The following GPC6 variants were observed in gnomAD, a reference collection of about 807,000 sequenced individuals.
GPC6 encodes the protein glypican-6.
Under a neutral mutation model 55.2 loss-of-function variants are expected in GPC6, and 14 were observed. The ratio of observed to expected loss-of-function variants is 0.25; its 90% CI spans 0.17 to 0.40. GPC6 has a LOEUF of 0.40. Among genes scored for constraint, GPC6 ranks in the 10% least tolerant of loss-of-function variants. GPC6 has a pLI of 1.00. For synonymous variants in GPC6, 278 were observed against 259.6 expected (o/e 1.07, Z -0.68); for missense variants, 641 against 708.5 (o/e 0.90, Z 1.08).
intron 2 of GPC6, among the ~76,000 whole-genome samples, chr13:93,798,290 T>C (rs1886264054): frequency 6.6e-6 from 1 of 152,208 alleles, no homozygotes; most frequent in South Asian, 2.1e-4. Context: ...GCATAGGTCT[T>C]CTGTGAACCA....
chr13:93,545,184 A>C lies in GPC6; in HGVS notation c.161-79A>C, dbSNP rs1369736299. On this transcript the variant is annotated intron_variant, in intron 1 of 8. Coordinates refer to ENST00000377047, the MANE Select transcript of GPC6 (RefSeq NM_005708.5). ...GAACAAGCACCCTGAGATTTGAGCA[A>C]AGTGTTAGAGAAGTGAAATCTCTAA... 3 of 1,243,228 alleles carry C rather than the reference A, an allele frequency of 2.4e-6. No individual in the cohort carries two copies. In the East Asian group the frequency reaches 7.0e-5, roughly 29 times the overall value. The allele number at this position is 1,243,228 out of a possible 1,614,324, so 77.0% of individuals were successfully genotyped here.
At chr13:94,259,893 C>T (rs536157680) in intron 4 of GPC6, among the ~76,000 whole-genome samples, 1 of 152,016 alleles carries the variant, frequency 6.6e-6, no homozygotes, top group Non-Finnish European at 1.5e-5. Context: ...CACACATGCA[C>T]ACACACACAT....
chr13:93,688,779 C>G (rs1465449484), intron 2 of GPC6, among the ~76,000 whole-genome samples: 1 of 151,886 alleles, frequency 6.6e-6, no homozygotes, highest in East Asian at 1.9e-4. Flanking sequence ...AGGGCAGAAT[C>G]AAGAATTAAT....
chr13:93,276,712 G>A (rs2139061691), intron 1 of GPC6, among the ~76,000 whole-genome samples: 1 of 152,210 alleles, frequency 6.6e-6, no homozygotes, highest in African/African-American at 2.4e-5. Flanking sequence ...GTGGCTTGCT[G>A]CTGGCTTTTA....
chr13:93,629,014 T>A (rs1212648541), intron 2 of GPC6, among the ~76,000 whole-genome samples: 1 of 147,562 alleles, frequency 6.8e-6, no homozygotes, highest in East Asian at 2.0e-4. Flanking sequence ...TAACATGAGA[T>A]GTAAAACTGT....
At chr13:93,431,612 AAC>A (rs1877361352) in intron 1 of GPC6, among the ~76,000 whole-genome samples, 1 of 152,100 alleles carries the variant, frequency 6.6e-6, no homozygotes, top group Non-Finnish European at 1.5e-5. Flanking sequence ...TTACATTCAA[AAC>A]ACACACATCC....
At chr13:93,471,192 G>A (rs1380639476) in intron 1 of GPC6, among the ~76,000 whole-genome samples, 1 of 151,766 alleles carries the variant, frequency 6.6e-6, no homozygotes. Context: ...AGTTAAGATG[G>A]AAATTTTGAG....
intron 6 of GPC6, among the ~76,000 whole-genome samples, chr13:94,358,880 T>C (rs72632659): frequency 0.026 from 3,996 of 152,334 alleles, 217 homozygotes; most frequent in East Asian, 0.24. Context: ...CTAATGGCTT[T>C]GTTTTCAGAA....
rs185818217 is a variant in GPC6, at chr13:93,275,047, T to C, written c.160+47431T>C. On this transcript the variant is annotated intron_variant, in intron 1 of 8. Transcript: ENST00000377047. Reference sequence around the variant, plus strand: ...TGAGTGCATATTCCAGCCTACTGAATTTAAGTACCTGGGCAAAATATTGAG... The same window carrying C: ...TGAGTGCATATTCCAGCCTACTGAACTTAAGTACCTGGGCAAAATATTGAG... Among the ~76,000 whole-genome samples, 35 of 152,304 alleles carry C rather than the reference T, an allele frequency of 2.3e-4. No homozygotes were observed. The East Asian group carries it at 5.6e-3, about 24-fold the overall frequency.
chr13:94,310,274 G>C (rs1876176772), intron 6 of GPC6, among the ~76,000 whole-genome samples: 1 of 152,006 alleles, frequency 6.6e-6, no homozygotes, highest in South Asian at 2.1e-4. Flanking sequence ...TTTTATAAAA[G>C]TAAATTTAAA....
chr13:94,105,954 T>A (rs1288237598), intron 4 of GPC6, among the ~76,000 whole-genome samples: 2 of 146,320 alleles, frequency 1.4e-5, no homozygotes, highest in East Asian at 4.2e-4. Context: ...TATCCTACAT[T>A]GGAAAGGGTA....
intron 4 of GPC6, among the ~76,000 whole-genome samples, chr13:94,133,062 G>A (rs1486906525): frequency 6.6e-6 from 1 of 151,962 alleles, no homozygotes; most frequent in East Asian, 1.9e-4. Flanking sequence ...TTATTCCTAT[G>A]GAATGTTGAT....
In GPC6 at chr13:94,404,528, A is replaced by C. The variant is rs1210940212; in HGVS notation, c.*1311A>C. On this transcript the variant is annotated 3_prime_UTR_variant, in exon 9 of 9. Transcript: ENST00000377047. ...TCCTCAGTGATCGGTGAGCACCAAG[A>C]ATCAAGAAAGAGAACTTTTTATGTA... is the stretch of plus-strand genomic sequence containing the variant. The C allele has an allele frequency of 6.6e-6, 1 of 152,240 alleles. No homozygotes were observed. Among genetic ancestry groups the C allele is most frequent in the Non-Finnish European group, 1.5e-5 (1 of 68,042 alleles). The allele number at this position is 152,240 out of a possible 1,614,324, so 9.4% of individuals were successfully genotyped here. A position where few individuals can be genotyped will look rare whatever the true frequency, so the allele number is the denominator to read the frequency against.
intron 3 of GPC6, among the ~76,000 whole-genome samples, chr13:93,950,511 T>G (rs1879206577): frequency 6.6e-6 from 1 of 152,184 alleles, no homozygotes; most frequent in South Asian, 2.1e-4. Flanking sequence ...CGTATAGACC[T>G]CAAAATTACT....
intron 4 of GPC6, among the ~76,000 whole-genome samples, chr13:94,073,296 T>C (rs1344435668): frequency 6.6e-6 from 1 of 152,238 alleles, no homozygotes; most frequent in Non-Finnish European, 1.5e-5. Context: ...TCATGAAATG[T>C]GCAAGCTTCT....
At position 94,234,251 on chromosome 13, in the gene GPC6, G is replaced by A. The variant is rs551047453; in HGVS notation, c.878-52098G>A. On this transcript the variant is annotated intron_variant, in intron 4 of 8. Transcript: ENST00000377047. ...TTCCATTTATCCTTCTGAAGTTTCT[G>A]TGAGAAAAGGGTAAGGATGTACTGT... is the stretch of plus-strand genomic sequence containing the variant. Among the ~76,000 whole-genome samples the A allele has an allele frequency of 3.9e-5, 6 of 152,268 alleles. No homozygotes were observed. The South Asian group carries it at 1.0e-3, about 26-fold the overall frequency.
intron 4 of GPC6, among the ~76,000 whole-genome samples, chr13:94,159,845 C>T (rs1222856004): frequency 1.3e-5 from 2 of 152,122 alleles, no homozygotes; most frequent in East Asian, 3.9e-4. Context: ...CAAATCCTGC[C>T]CATACCAATG....
At chr13:93,655,612 G>A (rs1880625575) in intron 2 of GPC6, among the ~76,000 whole-genome samples, 1 of 152,102 alleles carries the variant, frequency 6.6e-6, no homozygotes, top group African/African-American at 2.4e-5. Context: ...ATGGGGGAAA[G>A]AACAGGAAAC....
At chr13:93,457,551 C>T (rs1452653499) in intron 1 of GPC6, among the ~76,000 whole-genome samples, 1 of 152,146 alleles carries the variant, frequency 6.6e-6, no homozygotes, top group Non-Finnish European at 1.5e-5. Flanking sequence ...TATCATCCTG[C>T]AAGCTGTGGC....
Sources: gnomAD v4.1 joint callset for allele counts (sites outside exome capture counted in the v4.1 genomes callset) on GRCh38, gnomAD v4.1.1 for gene constraint, MANE v1.5 for transcripts, NCBI Gene and HGNC (gene_info 2026-07-23, HGNC 2026-07-21) for gene names.